Variants in STRC observed in about 807,000 individuals in gnomAD.
The protein encoded by STRC is stereocilin.
STRC carries 43 observed loss-of-function variants against 103.5 expected under a neutral mutation model. The ratio of observed to expected loss-of-function variants is 0.42; its 90% CI spans 0.33 to 0.54. The LOEUF (loss-of-function observed/expected upper bound fraction) is 0.54. Ranked by LOEUF, STRC falls within the 20% of genes least tolerant of loss-of-function variation. STRC has a pLI of 0.14. For synonymous variants in STRC, 186 were observed against 442.3 expected, an observed-to-expected ratio of 0.42 and a Z score of 7.27; for missense variants, 499 against 1,088.5, an observed-to-expected ratio of 0.46 and a Z score of 7.62.
In STRC at chr15:43,600,874, G is replaced by A. The variant is rs3097773; in HGVS notation, c.4842C>T (p.Phe1614=). 0.15 allele frequency: 239,690 copies of A among 1,608,376 alleles called. 35,608 individuals are homozygous for A. The highest frequency in any genetic ancestry group is 0.7 in the African/African-American group (52,060 of 74,232). The change falls in exon 25 of 29, where the codon TTC becomes TTT. Residue 1614 remains phenylalanine, a splice_region_variant and synonymous_variant. Coordinates refer to ENST00000450892, the MANE Select transcript of STRC (RefSeq NM_153700.2). ...CCCTCAGCCCCTTCACAAATGACCTGAACTCCCAACTGCTGATGTGCTGGA... is the reference window on the plus strand; with the variant it reads ...CCCTCAGCCCCTTCACAAATGACCTAAACTCCCAACTGCTGATGTGCTGGA... The part of the protein sequence containing the change: ...EELQHISSWE[F]SQAALFLGTL...
At chr15:43,606,892 C>T (rs1448793100) in intron 18 of STRC, among the ~76,000 whole-genome samples, 3 of 97,260 alleles carry the variant, frequency 3.1e-5, no homozygotes, top group East Asian at 7.2e-4. Context: ...CCCAGCTACT[C>T]GGGAGACTGA....
chr15:43,607,011 A>AG (rs1344481469), intron 18 of STRC, among the ~76,000 whole-genome samples: 2 of 150,278 alleles, frequency 1.3e-5, no homozygotes, highest in African/African-American at 4.9e-5. Flanking sequence ...AAAAAAAAAA[A>AG]AAAGAAAAAA....
At chr15:43,607,023 AG>A (rs2141525361) in intron 18 of STRC, among the ~76,000 whole-genome samples, 1 of 150,674 alleles carries the variant, frequency 6.6e-6, no homozygotes, top group South Asian at 2.1e-4. Flanking sequence ...AAGAAAAAAA[AG>A]AAAAAAGTAG....
At chr15:43,609,220 A>T in intron 16 of STRC, 56 bp downstream of exon 16, 1 of 1,548,042 alleles carries the variant, frequency 6.5e-7, no homozygotes, top group Non-Finnish European at 8.9e-7. Context: ...GCACATAGTA[A>T]GCACTCAAAA....
At position 43,600,113 on chromosome 15, in the gene STRC, G is replaced by T. The variant is rs377184465; in HGVS notation, c.5092-6C>A. On this transcript the variant is annotated splice_polypyrimidine_tract_variant and splice_region_variant and intron_variant, in intron 27 of 28. Coordinates refer to ENST00000450892, the MANE Select transcript of STRC (RefSeq NM_153700.2). Reference sequence around the variant, plus strand: ...TGGATGGGACTAAACACCACCTGAGGGCAGGGGTAGGAATCAGTGCATGCA... The same window carrying T: ...TGGATGGGACTAAACACCACCTGAGTGCAGGGGTAGGAATCAGTGCATGCA... 1.2e-6 allele frequency: 2 copies of T among 1,612,428 alleles called. No homozygotes were observed. The highest frequency in any genetic ancestry group is 1.7e-6 in the Non-Finnish European group (2 of 1,179,418).
chr15:43,609,472 A>G (rs1360120795), intron 15 of STRC, 138 bp from the exon 16 acceptor site: 7 of 733,970 alleles, frequency 9.5e-6, no homozygotes, highest in African/African-American at 1.9e-5. Flanking sequence ...CCACTCTCCC[A>G]GATGCCCACT....
At position 43,604,956 on chromosome 15, in the gene STRC, G is replaced by C. The variant is rs2085701487; in HGVS notation, c.3931-110C>G. The C allele has an allele frequency of 2.0e-6, 3 of 1,479,272 alleles. No individual in the cohort carries two copies. The Admixed American group carries it at 5.9e-5, about 29-fold the overall frequency. 91.6% of individuals were successfully genotyped at this position (1,479,272 alleles called of 1,614,324 possible). A position where few individuals can be genotyped will look rare whatever the true frequency, so the allele number is the denominator to read the frequency against. ...TTCCCTCCCTCCTGCTCCCAGCTCAGCACCCTATGATGCTCACTACCTTTG... is the reference window on the plus strand; with the variant it reads ...TTCCCTCCCTCCTGCTCCCAGCTCACCACCCTATGATGCTCACTACCTTTG... On this transcript the variant is annotated intron_variant, in intron 19 of 28. Transcript: ENST00000450892.
intron 21 of STRC, 98 bp from the exon 22 acceptor site, chr15:43,604,250 C>G: frequency 6.3e-7 from 1 of 1,593,450 alleles, no homozygotes; most frequent in South Asian, 1.1e-5. Context: ...TTTGCAGTCT[C>G]CCCCCAGATC....
chr15:43,609,197 C>T (rs2085731630), intron 16 of STRC, 79 bp downstream of exon 16: 1 of 1,452,774 alleles, frequency 6.9e-7, no homozygotes, highest in Non-Finnish European at 9.6e-7. Flanking sequence ...CATTCCATAT[C>T]ACATGGTGCC....
Position 43,600,639 on chromosome 15 carries a change from C to G in STRC, c.4888G>C (p.Glu1630Gln), listed in dbSNP as rs375284306. 125 of 1,613,616 alleles carry G rather than the reference C, an allele frequency of 7.7e-5. 2 individuals carry two copies. The highest frequency in any genetic ancestry group is 1.0e-4 in the Non-Finnish European group (121 of 1,179,884). Residue 1630 changes from glutamate to glutamine, a missense_variant, in exon 26 of 29, where the codon GAG becomes CAG. Glu to Gln is a conservative substitution (Grantham distance 29). Coordinates refer to ENST00000450892, the MANE Select transcript of STRC (RefSeq NM_153700.2). Reference protein sequence around the residue: ...FLGTLHLQCSEEQLEVLAHLL... With the variant: ...FLGTLHLQCSQEQLEVLAHLL... ...TGGGCCAGAACCTCCAGTTGTTCCT[C>G]AGAGCACTGGAGATGCAGGGTGCCG...
At chr15:43,605,010 A>G (rs971673658) in intron 19 of STRC, 164 bp from the exon 20 acceptor site, 3 of 1,210,084 alleles carry the variant, frequency 2.5e-6, no homozygotes, top group African/African-American at 3.0e-5. Flanking sequence ...GAGCCCAGAT[A>G]GGAGCAGGCA....
At chr15:43,609,193 A>G (rs1321075935) in intron 16 of STRC, 83 bp downstream of exon 16, 14 of 1,410,412 alleles carry the variant, frequency 9.9e-6, no homozygotes, top group African/African-American at 1.5e-5. Context: ...CCCCCATTCC[A>G]TATCACATGG....
In STRC at chr15:43,600,664, G is replaced by C. The variant is rs139683375; in HGVS notation, c.4863C>G (p.Leu1621=). 3,421 of 1,612,422 alleles carry C rather than the reference G, an allele frequency of 2.1e-3. 54 individuals are homozygous for C. Among genetic ancestry groups the C allele is most frequent in the South Asian group, 0.011 (1,033 of 90,252 alleles). The part of the protein sequence containing the change: ...SWEFSQAALF[L]GTLHLQCSEE... ...CAGAGCACTGGAGATGCAGGGTGCCGAGGAAGAGAGCTGCTTGGCTGTAGA... is the reference window on the plus strand; with the variant it reads ...CAGAGCACTGGAGATGCAGGGTGCCCAGGAAGAGAGCTGCTTGGCTGTAGA... Residue 1621 remains leucine (L), a synonymous_variant, in exon 26 of 29, where the codon CTC becomes CTG. Coordinates refer to ENST00000450892, the MANE Select transcript of STRC (RefSeq NM_153700.2).
Position 43,604,692 on chromosome 15 carries a change from G to A in STRC, c.4085C>T (p.Ala1362Val), listed in dbSNP as rs1285559005. The change falls in exon 20 of 29, where the codon GCC (alanine) becomes GTC (valine). Residue 1362 changes from alanine (A) to valine (V), a missense_variant. Transcript: ENST00000450892. ...CAATAGCAGCCATCCCAGCTCTGTGGCAAATGTCTCTCCTAGGCAGAAGCC... is the reference window on the plus strand; with the variant it reads ...CAATAGCAGCCATCCCAGCTCTGTGACAAATGTCTCTCCTAGGCAGAAGCC... ...LQGFCLGETFATELGWLLLQE... is the reference protein window; with the variant it reads ...LQGFCLGETFVTELGWLLLQE... 1 of 1,613,600 alleles carries A rather than the reference G, an allele frequency of 6.2e-7. No homozygotes were observed. Among genetic ancestry groups the A allele is most frequent in the Non-Finnish European group, 8.5e-7 (1 of 1,179,700 alleles).
Position 43,611,000 on chromosome 15 carries a change from T to TTGGTTGTGTGTG in STRC, c.3307-17_3307-16insCACACACAACCA, listed in dbSNP as rs2085742952. ...CATCTTTAACCTGCATGAGAATTGGTTGTGTGTGTGTGTGTGTGTGTGTGT... is the reference window on the plus strand; with the variant it reads ...CATCTTTAACCTGCATGAGAATTGGTTGGTTGTGTGTGTGTGTGTGTGTGTGTGTGTGTGTGT... On this transcript the variant is annotated splice_polypyrimidine_tract_variant and intron_variant, in intron 13 of 28. Coordinates refer to ENST00000450892, the MANE Select transcript of STRC (RefSeq NM_153700.2). 1 of 1,104,124 alleles carries TTGGTTGTGTGTG rather than the reference T, an allele frequency of 9.1e-7. No individual in the cohort carries two copies. The allele number at this position is 1,104,124 out of a possible 1,614,324, so 68.4% of individuals were successfully genotyped here.
In STRC at chr15:43,603,224, T is replaced by A. The variant is rs766099827; in HGVS notation, c.4545+18A>T. The A allele has an allele frequency of 6.2e-7, 1 of 1,612,716 alleles. No individual in the cohort carries two copies. The highest frequency in any genetic ancestry group is 2.2e-5 in the East Asian group (1 of 44,862). On this transcript the variant is annotated intron_variant, in intron 23 of 28. Coordinates refer to ENST00000450892, the MANE Select transcript of STRC (RefSeq NM_153700.2). Reference sequence around the variant, plus strand: ...TAGCTTCCTCATGGCCAACCCCAGTTGGCTCTCCATCCCTAACCTGTTTTG... The same window carrying A: ...TAGCTTCCTCATGGCCAACCCCAGTAGGCTCTCCATCCCTAACCTGTTTTG...
Position 43,603,329 on chromosome 15 carries a change from TGA to T in STRC, c.4456_4457del (p.Ser1486ArgfsTer3). On this transcript the variant is annotated frameshift_variant, in exon 23 of 29. Coordinates refer to ENST00000450892, the MANE Select transcript of STRC (RefSeq NM_153700.2). LOFTEE classifies it high-confidence loss of function. ...ATAATGTCAGGCAGTCCTCAAAGTC[TGA>T]GAGCTCCATCTCTGCAATCTGGGTT... ...SATQIAEMELSDFEDCLTLFA... is the reference protein window; with the variant it reads ...SATQIAEMELXDFEDCLTLFA... The T allele has an allele frequency of 6.2e-7, 1 of 1,613,896 alleles. No individual in the cohort carries two copies. The highest frequency in any genetic ancestry group is 8.5e-7 in the Non-Finnish European group (1 of 1,179,896).
rs1271508579 is a variant in STRC at position 43,604,815 on chromosome 15, A to T, written c.3962T>A (p.Val1321Glu). 2 of 1,612,480 alleles carry T rather than the reference A, an allele frequency of 1.2e-6. No individual in the cohort carries two copies. Among genetic ancestry groups the T allele is most frequent in the East Asian group, 2.2e-5 (1 of 44,854 alleles). Residue 1321 changes from valine to glutamate, a missense_variant, in exon 20 of 29, where the codon GTG becomes GAG. Val to Glu is a moderately radical substitution (Grantham distance 121). Transcript: ENST00000450892. ...APKETPVSGE[V>E]LETLGPLVGF... Reference sequence around the variant, plus strand: ...AACCAAAGGGCCTAAGGTCTCCAGCACTTCCCCTGAGACTGGAGTCTCCTT... The same window carrying T: ...AACCAAAGGGCCTAAGGTCTCCAGCTCTTCCCCTGAGACTGGAGTCTCCTT...
intron 23 of STRC, chr15:43,602,798 C>G: frequency 4.2e-6 from 1 of 240,890 alleles, no homozygotes; most frequent in South Asian, 5.3e-5. Context: ...GTGTGCACCA[C>G]CATGCCCGGC....
Sources: gnomAD v4.1 joint callset for allele counts (sites outside exome capture counted in the v4.1 genomes callset) on GRCh38, gnomAD v4.1.1 for gene constraint, MANE v1.5 for transcripts, NCBI Gene and HGNC (gene_info 2026-07-23, HGNC 2026-07-21) for gene names.